Variants in NUP85 observed in about 807,000 individuals in gnomAD.
NUP85 encodes the protein nuclear pore complex protein Nup85.
Under a neutral mutation model 92.8 loss-of-function variants are expected in NUP85, and 23 were observed. The ratio of observed to expected loss-of-function variants is 0.25; its 90% CI spans 0.18 to 0.35. The LOEUF is 0.35. Among genes scored for constraint, NUP85 ranks in the 10% least tolerant of loss-of-function variants. The pLI, the probability that NUP85 is intolerant of heterozygous loss-of-function variation, is 1.00. For synonymous variants in NUP85, 314 were observed against 306.9 expected (o/e 1.02, Z -0.24); for missense variants, 759 against 822.8 (o/e 0.92, Z 0.95).
chr17:75,225,457 T>A lies in NUP85; in HGVS notation c.848T>A (p.Leu283His). The A allele has an allele frequency of 6.2e-7, 1 of 1,613,528 alleles. No individual in the cohort carries two copies. Among genetic ancestry groups the A allele is most frequent in the South Asian group, 1.1e-5 (1 of 91,078 alleles). Residue 283 changes from leucine (L) to histidine (H), a missense_variant, in exon 9 of 19, where the codon CTC becomes CAC. Transcript: ENST00000245544. ...GCCACCAGCCCTCACCTGGAGTCTC[T>A]CTTGAAGGTCTGGGAAGCAGTTCAG... ...TFATSPHLES[L>H]LKIMLGDEAA... is the part of the protein sequence containing the mutation.
chr17:75,231,130 T>C lies in NUP85; in HGVS notation c.1095-210T>C, dbSNP rs1286068357. ...TATTTGTAGAGATGGGGTTTTGCCA[T>C]GTTGCCCAGGCTGGTCTTAAATTCC... On this transcript the variant is annotated intron_variant, in intron 11 of 18. Coordinates refer to ENST00000245544, the MANE Select transcript of NUP85 (RefSeq NM_024844.5). The surrounding 1 kb of genome is among the most constrained non-coding windows in gnomAD (Gnocchi z 4.6). The C allele has an allele frequency of 7.2e-6, 4 of 556,340 alleles. No individual in the cohort carries two copies. Among genetic ancestry groups the C allele is most frequent in the African/African-American group, 3.8e-5 (2 of 52,762 alleles). 34.5% of individuals were successfully genotyped at this position (556,340 alleles called of 1,614,324 possible).
chr17:75,215,169 C>T (rs997966457), intron 5 of NUP85, among the ~76,000 whole-genome samples: 4 of 152,190 alleles, frequency 2.6e-5, no homozygotes, highest in African/African-American at 9.7e-5. Context: ...CAAACTCCAT[C>T]TCAAAAGATA....
At chr17:75,218,977 C>A (rs75765017) in intron 7 of NUP85, among the ~76,000 whole-genome samples, 1 of 151,848 alleles carries the variant, frequency 6.6e-6, no homozygotes, top group East Asian at 1.9e-4. Flanking sequence ...TGAGCTTGCA[C>A]ATTACTTTGG....
intron 1 of NUP85, 143 bp downstream of exon 1, chr17:75,205,937 G>T (rs2075065129): frequency 5.1e-6 from 5 of 974,280 alleles, no homozygotes; most frequent in Admixed American, 2.2e-5. Flanking sequence ...TCCGGAGGTC[G>T]CAGTGTTAAC....
intron 10 of NUP85, 76 bp downstream of exon 10, chr17:75,225,905 C>T: frequency 6.2e-7 from 1 of 1,601,528 alleles, no homozygotes; most frequent in South Asian, 1.1e-5. Flanking sequence ...TCTTTGAATT[C>T]CTCCCTGAGG....
chr17:75,210,877 A>G (rs537284753), intron 3 of NUP85, among the ~76,000 whole-genome samples: 2 of 147,964 alleles, frequency 1.4e-5, no homozygotes, highest in African/African-American at 5.0e-5. Flanking sequence ...AATTTTTTGT[A>G]TTTTTAGTAG....
intron 7 of NUP85, among the ~76,000 whole-genome samples, chr17:75,223,753 A>C (rs2075668426): frequency 6.6e-6 from 1 of 152,122 alleles, no homozygotes; most frequent in African/African-American, 2.4e-5. Flanking sequence ...TATTTAATGC[A>C]TTCTGATATT....
At chr17:75,229,402 T>TA in intron 11 of NUP85, among the ~76,000 whole-genome samples, 1 of 152,280 alleles carries the variant, frequency 6.6e-6, no homozygotes, top group East Asian at 1.9e-4. Context: ...TACAGTTGCT[T>TA]AGAGGGGTCA....
intron 11 of NUP85, among the ~76,000 whole-genome samples, chr17:75,230,563 G>C (rs2076013703): frequency 6.6e-6 from 1 of 152,046 alleles, no homozygotes; most frequent in South Asian, 2.1e-4. Context: ...GTTTCACCGT[G>C]TTAGCGAAGA....
intron 3 of NUP85, among the ~76,000 whole-genome samples, chr17:75,211,534 C>G (rs538033352): frequency 8.0e-5 from 12 of 150,560 alleles, no homozygotes; most frequent in African/African-American, 2.9e-4. Flanking sequence ...TCAAGAGATT[C>G]TCCTGCCTCA....
intron 4 of NUP85, among the ~76,000 whole-genome samples, chr17:75,212,626 C>T (rs1568070222): frequency 6.6e-6 from 1 of 151,904 alleles, no homozygotes; most frequent in Non-Finnish European, 1.5e-5. Context: ...GTGTGTACTA[C>T]CATGCCCAGC....
chr17:75,229,307 A>C (rs559610364), intron 11 of NUP85, among the ~76,000 whole-genome samples: 2 of 152,098 alleles, frequency 1.3e-5, no homozygotes, highest in African/African-American at 4.8e-5. Flanking sequence ...AGCTTTGATT[A>C]CTCCAGAGCC....
chr17:75,234,849 A>G, intron 17 of NUP85, 61 bp downstream of exon 17: 1 of 1,589,192 alleles, frequency 6.3e-7, no homozygotes, highest in African/African-American at 1.3e-5. Context: ...GCTTAGTTGT[A>G]TAGCTGTTGC....
intron 5 of NUP85, among the ~76,000 whole-genome samples, chr17:75,213,875 T>G (rs77910552): frequency 6.8e-5 from 10 of 147,920 alleles, no homozygotes; most frequent in South Asian, 2.2e-4. Flanking sequence ...TTTTTTTTTT[T>G]TTTTTTTTTT....
intron 17 of NUP85, 22 bp downstream of exon 17, chr17:75,234,810 GTT>G: frequency 6.2e-7 from 1 of 1,613,700 alleles, no homozygotes; most frequent in Non-Finnish European, 8.5e-7. Flanking sequence ...AGCAGCAGTG[GTT>G]TTCTTTGCTT....
At position 75,235,560 on chromosome 17, in the gene NUP85, G is replaced by C. The variant is rs1205799946; in HGVS notation, c.1870-18G>C. 1.3e-6 allele frequency: 2 copies of C among 1,590,392 alleles called. No homozygotes were observed. The highest frequency in any genetic ancestry group is 1.7e-6 in the Non-Finnish European group (2 of 1,158,704). ...TCCTTCCTGCTCTTAGCTCATGCTG[G>C]CGCTCTCTGCTTTGCAGGATGATGA... On this transcript the variant is annotated intron_variant, in intron 18 of 18. Coordinates refer to ENST00000245544, the MANE Select transcript of NUP85 (RefSeq NM_024844.5).
At chr17:75,230,897 G>A (rs1193728885) in intron 11 of NUP85, among the ~76,000 whole-genome samples, 1 of 151,374 alleles carries the variant, frequency 6.6e-6, no homozygotes, top group Non-Finnish European at 1.5e-5. Context: ...TCCCGTCTGG[G>A]TGACAGAGCA....
intron 11 of NUP85, among the ~76,000 whole-genome samples, chr17:75,226,425 A>G (rs1243256216): frequency 2.0e-5 from 3 of 152,128 alleles, no homozygotes; most frequent in Admixed American, 2.0e-4. Flanking sequence ...CCAACATGGC[A>G]CCTTGAACAC....
At chr17:75,233,873 C>A (rs1197966820) in intron 16 of NUP85, among the ~76,000 whole-genome samples, 1 of 152,104 alleles carries the variant, frequency 6.6e-6, no homozygotes, top group African/African-American at 2.4e-5. Context: ...GCTGGGATTA[C>A]AGGCGTGAGC....
Sources: gnomAD v4.1 joint callset for allele counts (sites outside exome capture counted in the v4.1 genomes callset) on GRCh38, gnomAD v4.1.1 for gene constraint, Gnocchi (gnomAD v3.1) non-coding constraint, MANE v1.5 for transcripts, NCBI Gene and HGNC (gene_info 2026-07-23, HGNC 2026-07-21) for gene names.